Variants in PPP6R2 observed in about 807,000 individuals in gnomAD.
PPP6R2 encodes serine/threonine-protein phosphatase 6 regulatory subunit 2.
In PPP6R2, 62 loss-of-function variants were observed where a neutral mutation model predicts 100.2. The ratio of observed to expected loss-of-function variants is 0.62; its 90% CI spans 0.50 to 0.76. The LOEUF is 0.76. Ranked by LOEUF, PPP6R2 falls within the 30% of genes least tolerant of loss-of-function variation. PPP6R2 has a pLI of 0.00. For synonymous variants in PPP6R2, 525 were observed against 514.7 expected (o/e 1.02, Z -0.27); for missense variants, 1,142 against 1,276.3 (o/e 0.89, Z 1.60).
At chr22:50,378,403 G>A (rs1249430869) in intron 2 of PPP6R2, among the ~76,000 whole-genome samples, 11 of 152,054 alleles carry the variant, frequency 7.2e-5, no homozygotes, top group South Asian at 2.1e-4. Flanking sequence ...CCTGACCAGC[G>A]TGGAGAAACC....
At chr22:50,355,858 A>C (rs906073275) in intron 1 of PPP6R2, among the ~76,000 whole-genome samples, 22 of 150,984 alleles carry the variant, frequency 1.5e-4, no homozygotes, top group African/African-American at 2.7e-4. Flanking sequence ...AAAAACCAAA[A>C]AAAAAGCTTT....
chr22:50,403,327 C>T (rs948411862), intron 3 of PPP6R2, among the ~76,000 whole-genome samples: 1 of 152,224 alleles, frequency 6.6e-6, no homozygotes, highest in South Asian at 2.1e-4. Flanking sequence ...ATGTGACTTC[C>T]TCCCCCTGCC....
the PPP6R2 span, among the ~76,000 whole-genome samples, chr22:50,337,862 CTG>C: frequency 9.1e-5 from 7 of 77,128 alleles, no homozygotes; most frequent in Admixed American, 1.4e-4. Flanking sequence ...GTTGGTGTGT[CTG>C]TGTGTGGTGT....
intron 4 of PPP6R2, among the ~76,000 whole-genome samples, chr22:50,411,928 C>G (rs1394224992): frequency 1.3e-5 from 2 of 150,928 alleles, no homozygotes; most frequent in African/African-American, 2.4e-5. Flanking sequence ...GCCTGTAGTC[C>G]CAGCTACTCG....
At chr22:50,355,891 A>C (rs920470759) in intron 1 of PPP6R2, among the ~76,000 whole-genome samples, 2 of 151,644 alleles carry the variant, frequency 1.3e-5, no homozygotes, top group Non-Finnish European at 2.9e-5. Context: ...TCTTTTAAAA[A>C]GTGTACACAT....
At chr22:50,435,130 C>G in intron 13 of PPP6R2, 49 bp downstream of exon 13, 3 of 1,416,440 alleles carry the variant, frequency 2.1e-6, no homozygotes, top group Non-Finnish European at 2.8e-6. Context: ...GCACCGGGAC[C>G]CCGAAGGAGC....
In PPP6R2 at chr22:50,423,172, G is replaced by C. The variant is rs140318909; in HGVS notation, c.973-290G>C. 2.7e-3 allele frequency among the ~76,000 whole-genome samples: 409 copies of C among 152,270 alleles called. 4 individuals are homozygous for C. Among genetic ancestry groups the C allele is most frequent in the African/African-American group, 9.4e-3 (391 of 41,556 alleles). On this transcript the variant is annotated intron_variant, in intron 9 of 23. Coordinates refer to ENST00000612753, the MANE Select transcript of PPP6R2 (RefSeq NM_001242898.2). This position sits in a 1 kb window ranked among gnomAD's most constrained non-coding sequence, Gnocchi z 4.8. ...AGACCGGTACTGCTGGCCCCATCTT[G>C]GACATCTCACCCGCTGAGGTGCACG...
chr22:50,423,647 T>G lies in PPP6R2; in HGVS notation c.1125+33T>G. ...GGCCCCTCAGCCAGCCCTGCATGTCTGTGAGTGTGCCGGGCATGGCCTGTG... is the reference window on the plus strand; with the variant it reads ...GGCCCCTCAGCCAGCCCTGCATGTCGGTGAGTGTGCCGGGCATGGCCTGTG... On this transcript the variant is annotated intron_variant, in intron 10 of 23. Transcript: ENST00000612753. This position sits in a 1 kb window ranked among gnomAD's most constrained non-coding sequence, Gnocchi z 4.8. 6.2e-7 allele frequency: 1 copy of G among 1,612,458 alleles called. No individual in the cohort carries two copies.
chr22:50,441,196 G>A (rs2065507584), intron 22 of PPP6R2, 170 bp downstream of exon 22: 3 of 631,326 alleles, frequency 4.8e-6, no homozygotes, highest in East Asian at 2.8e-5. Flanking sequence ...AGGCGGCGGT[G>A]GTGCCCACGC....
intron 1 of PPP6R2, among the ~76,000 whole-genome samples, chr22:50,365,264 T>A (rs1243537854): frequency 6.6e-6 from 1 of 150,952 alleles, no homozygotes; most frequent in Non-Finnish European, 1.5e-5. Flanking sequence ...AGAGACGGGG[T>A]TTCTTCATGT....
chr22:50,444,335 T>TA lies in PPP6R2; in HGVS notation c.*90dup. 3 of 1,191,806 alleles carry TA rather than the reference T, an allele frequency of 2.5e-6. No homozygotes were observed. The highest frequency in any genetic ancestry group is 2.3e-6 in the Non-Finnish European group (2 of 856,010). The allele number at this position is 1,191,806 out of a possible 1,614,324, so 73.8% of individuals were successfully genotyped here. On this transcript the variant is annotated 3_prime_UTR_variant, in exon 24 of 24. Transcript: ENST00000612753. Reference sequence around the variant, plus strand: ...CTGGTGATGCAATCTTTTTTTTTTTTAATTTAATTTAATTTTAAAATAAAT... The same window carrying TA: ...CTGGTGATGCAATCTTTTTTTTTTTTAAATTTAATTTAATTTTAAAATAAAT...
At chr22:50,365,431 C>G (rs1220549682) in intron 1 of PPP6R2, among the ~76,000 whole-genome samples, 1 of 151,982 alleles carries the variant, frequency 6.6e-6, no homozygotes, top group African/African-American at 2.4e-5. Context: ...GTAATCCCAG[C>G]ACTTTCGGAG....
intron 3 of PPP6R2, among the ~76,000 whole-genome samples, chr22:50,395,514 A>T (rs2056605506): frequency 6.6e-6 from 1 of 152,114 alleles, no homozygotes; most frequent in Non-Finnish European, 1.5e-5. Flanking sequence ...CCTGCAGGTC[A>T]TGTCCTTTTC....
chr22:50,393,855 A>G (rs1010207403), intron 2 of PPP6R2, 38 bp from the exon 3 acceptor site: 297 of 1,609,122 alleles, frequency 1.8e-4, no homozygotes, highest in Middle Eastern at 6.6e-4. Flanking sequence ...GTGGATTTGC[A>G]AGGGTGAGAG....
intron 5 of PPP6R2, among the ~76,000 whole-genome samples, chr22:50,415,386 A>T (rs1349494500): frequency 7.2e-5 from 11 of 152,214 alleles, no homozygotes; most frequent in Non-Finnish European, 1.6e-4. Flanking sequence ...GGAGCTTCTC[A>T]CCAGGAATGA....
chr22:50,348,110 A>G (rs1035706086), intron 1 of PPP6R2, among the ~76,000 whole-genome samples: 1 of 152,116 alleles, frequency 6.6e-6, no homozygotes, highest in Non-Finnish European at 1.5e-5. Context: ...AACCTAGATA[A>G]GACTGATGTG....
At chr22:50,346,823 G>C (rs535738411) in intron 1 of PPP6R2, among the ~76,000 whole-genome samples, 23 of 103,334 alleles carry the variant, frequency 2.2e-4, no homozygotes, top group African/African-American at 9.2e-4. Context: ...CCGTCAGCCA[G>C]TGCCCCCCCA....
Position 50,436,431 on chromosome 22 carries a change from C to T in PPP6R2, c.1581C>T (p.Asn527=), listed in dbSNP as rs767499322. 29 of 1,592,770 alleles carry T rather than the reference C, an allele frequency of 1.8e-5. 1 individual carries two copies. The South Asian group carries it at 3.2e-4, about 18-fold the overall frequency. The change falls in exon 14 of 24, where the codon AAC becomes AAT. Residue 527 remains asparagine (N), a synonymous_variant. Coordinates refer to ENST00000612753, the MANE Select transcript of PPP6R2 (RefSeq NM_001242898.2). ...TGGAGGAGACGCTGACGGAGACGAA[C>T]CGCAGGAACACTGTGGACCTGGTGA... ...SFVEETLTET[N]RRNTVDLVST...
intron 14 of PPP6R2, 139 bp downstream of exon 14, chr22:50,436,591 C>T (rs2064330190): frequency 1.2e-6 from 1 of 808,980 alleles, no homozygotes; most frequent in African/African-American, 1.7e-5. Flanking sequence ...CTATGCGGTG[C>T]CCCTGCATAG....
Sources: allele counts gnomAD v4.1 joint callset (sites outside exome capture counted in the v4.1 genomes callset), GRCh38; gene constraint gnomAD v4.1.1; non-coding constraint Gnocchi (gnomAD v3.1); transcripts MANE v1.5; gene names NCBI Gene and HGNC (gene_info 2026-07-23, HGNC 2026-07-21).